Variants in TTC21B observed in about 807,000 individuals in gnomAD.
The protein encoded by TTC21B is tetratricopeptide repeat protein 21B.
In TTC21B, 127 loss-of-function variants were observed where a neutral mutation model predicts 175.1. That is an observed-to-expected ratio of 0.73 (90% CI 0.63 to 0.84). The LOEUF (loss-of-function observed/expected upper bound fraction) is 0.84, where lower values mean the gene tolerates loss of function less well. TTC21B is among the 40% of genes least tolerant of loss of function. The pLI, the probability that TTC21B is intolerant of heterozygous loss-of-function variation, is 0.00. For synonymous variants in TTC21B, 524 were observed against 524.5 expected (o/e 1.00, Z 0.01); for missense variants, 1,561 against 1,558.3 (o/e 1.00, Z -0.03).
At chr2:165,898,173 GAA>G (rs897596782) in intron 22 of TTC21B, among the ~76,000 whole-genome samples, 1 of 151,800 alleles carries the variant, frequency 6.6e-6, no homozygotes, top group Non-Finnish European at 1.5e-5. Context: ...ATGCTGATTA[GAA>G]AAAAAATGAT....
chr2:165,949,364 T>C, intron 3 of TTC21B, 30 bp downstream of exon 3: 1 of 1,487,708 alleles, frequency 6.7e-7, no homozygotes, highest in Non-Finnish European at 9.4e-7. Context: ...TAGGAAAAAA[T>C]GTCCTAAGCA....
At chr2:165,886,060 C>T (rs190448666) in intron 25 of TTC21B, among the ~76,000 whole-genome samples, 3 of 152,140 alleles carry the variant, frequency 2.0e-5, no homozygotes, top group Admixed American at 1.3e-4. Context: ...TTTTTTGGTC[C>T]CTCTGAATGA....
chr2:165,889,316 A>G (rs974663214), intron 24 of TTC21B, among the ~76,000 whole-genome samples: 4 of 152,058 alleles, frequency 2.6e-5, no homozygotes, highest in African/African-American at 9.7e-5. Context: ...TCTTTTCACC[A>G]TGCTGATTGC....
intron 19 of TTC21B, among the ~76,000 whole-genome samples, chr2:165,906,032 A>G (rs1240716088): frequency 1.3e-5 from 2 of 152,124 alleles, no homozygotes; most frequent in Non-Finnish European, 1.5e-5. Flanking sequence ...CAAAAAGATA[A>G]CAAGCAAATC....
rs192525886 is a variant in TTC21B at position 165,949,378 on chromosome 2, C to T, written c.262+16G>A. On this transcript the variant is annotated intron_variant, in intron 3 of 28. Coordinates refer to ENST00000243344, the MANE Select transcript of TTC21B (RefSeq NM_024753.5). Reference sequence around the variant, plus strand: ...ATAGGAAAAAATGTCCTAAGCATTGCATTTAAATATCATACCTGGATTAGG... The same window carrying T: ...ATAGGAAAAAATGTCCTAAGCATTGTATTTAAATATCATACCTGGATTAGG... The T allele has an allele frequency of 2.4e-3, 3,762 of 1,561,820 alleles. 3 individuals are homozygous for T. Among genetic ancestry groups the T allele is most frequent in the Non-Finnish European group, 3.0e-3 (3,379 of 1,132,578 alleles).
chr2:165,894,159 T>C (rs955576847), intron 22 of TTC21B, among the ~76,000 whole-genome samples: 1 of 152,070 alleles, frequency 6.6e-6, no homozygotes, highest in Non-Finnish European at 1.5e-5. Context: ...ACAGACTGGA[T>C]GTGTTAGCTA....
intron 11 of TTC21B, among the ~76,000 whole-genome samples, chr2:165,925,187 T>C (rs1322104854): frequency 6.6e-6 from 1 of 152,182 alleles, no homozygotes; most frequent in African/African-American, 2.4e-5. Flanking sequence ...ACACTCACTA[T>C]GCTAAACTAA....
intron 25 of TTC21B, among the ~76,000 whole-genome samples, chr2:165,887,168 T>C (rs1046538191): frequency 1.3e-5 from 2 of 152,178 alleles, no homozygotes; most frequent in African/African-American, 4.8e-5. Flanking sequence ...TGTCCAGGGC[T>C]TTGGGTAGTT....
Position 165,931,740 on chromosome 2 carries a change from C to T in TTC21B, c.894+18G>A. 2 of 1,594,888 alleles carry T rather than the reference C, an allele frequency of 1.3e-6. No individual in the cohort carries two copies. The highest frequency in any genetic ancestry group is 1.7e-6 in the Non-Finnish European group (2 of 1,162,744). On this transcript the variant is annotated intron_variant, in intron 8 of 28. Transcript: ENST00000243344. ...TACTATAGATAACAGAGCTCTGGTA[C>T]ATGGTAGGCACTCTCACAGTTCTGC... is the stretch of plus-strand genomic sequence containing the variant.
intron 6 of TTC21B, among the ~76,000 whole-genome samples, chr2:165,935,629 G>GGT (rs1262530398): frequency 1.3e-5 from 2 of 152,058 alleles, no homozygotes; most frequent in East Asian, 3.9e-4. Flanking sequence ...TAGGATATGA[G>GGT]GTTAATATAT....
chr2:165,932,900 C>T (rs1686964624), intron 7 of TTC21B, 73 bp downstream of exon 7: 2 of 1,293,806 alleles, frequency 1.5e-6, no homozygotes, highest in South Asian at 1.2e-5. Flanking sequence ...TATGCACATG[C>T]ACACATGGGT....
chr2:165,899,029 T>C (rs1405927520), intron 21 of TTC21B, among the ~76,000 whole-genome samples: 8 of 152,202 alleles, frequency 5.3e-5, no homozygotes, highest in Admixed American at 5.2e-4. Context: ...TTTCTAGCAA[T>C]TGTTTTAAAA....
Position 165,917,334 on chromosome 2 carries a change from TTC to T in TTC21B, c.1820_1821del (p.Arg607LysfsTer3). ...CGATGGCTTGTATCAACTTCAGTTTTTCTGTCTTTTGATTTTGTGGAAGCTCC... is the reference window on the plus strand; with the variant it reads ...CGATGGCTTGTATCAACTTCAGTTTTTGTCTTTTGATTTTGTGGAAGCTCC... ...RIGASTKSKD[R>X]KTEVDTSHRL... On this transcript the variant is annotated frameshift_variant, in exon 14 of 29. Transcript: ENST00000243344. LOFTEE classifies it high-confidence loss of function. 1 of 1,614,240 alleles carries T rather than the reference TTC, an allele frequency of 6.2e-7. No homozygotes were observed. The highest frequency in any genetic ancestry group is 8.5e-7 in the Non-Finnish European group (1 of 1,180,034).
chr2:165,895,096 T>C (rs1005210042), intron 22 of TTC21B, among the ~76,000 whole-genome samples: 4 of 151,972 alleles, frequency 2.6e-5, no homozygotes, highest in Non-Finnish European at 4.4e-5. Flanking sequence ...TTTTTTATTT[T>C]CCCCCAAGAG....
At position 165,874,690 on chromosome 2, in the gene TTC21B, A is replaced by T; in HGVS notation, c.*65T>A. The T allele has an allele frequency of 6.8e-7, 1 of 1,463,358 alleles. No homozygotes were observed. The highest frequency in any genetic ancestry group is 1.4e-5 in the African/African-American group (1 of 72,066). 90.6% of individuals were successfully genotyped at this position (1,463,358 alleles called of 1,614,324 possible). A position where few individuals can be genotyped will look rare whatever the true frequency, so the allele number is the denominator to read the frequency against. On this transcript the variant is annotated 3_prime_UTR_variant, in exon 29 of 29. Coordinates refer to ENST00000243344, the MANE Select transcript of TTC21B (RefSeq NM_024753.5). The stretch of plus-strand genomic sequence containing the variant: ...CACTGAGCTCAAACCTGTTTTGAAC[A>T]GGAAGAACTGAAAGTTAGATTTCTT...
rs754497511 is a variant in TTC21B, at chr2:165,945,706, G to A, written c.263-16C>T. On this transcript the variant is annotated splice_polypyrimidine_tract_variant and intron_variant, in intron 3 of 28. Coordinates refer to ENST00000243344, the MANE Select transcript of TTC21B (RefSeq NM_024753.5). ...GCTTCTCTATCTGGTAGGGGAAAAT[G>A]ATATTAAATAAAAATTAAATTCTGG... 7.5e-6 allele frequency: 12 copies of A among 1,609,190 alleles called. No homozygotes were observed. Among genetic ancestry groups the A allele is most frequent in the African/African-American group, 1.3e-5 (1 of 74,690 alleles).
At chr2:165,877,158 T>C (rs1320066922) in intron 27 of TTC21B, among the ~76,000 whole-genome samples, 13 of 152,182 alleles carry the variant, frequency 8.5e-5, no homozygotes, top group Non-Finnish European at 1.3e-4. Flanking sequence ...TATAATGCAA[T>C]GTAAAATAAT....
chr2:165,892,801 A>G (rs1685240718), intron 22 of TTC21B, among the ~76,000 whole-genome samples: 1 of 152,234 alleles, frequency 6.6e-6, no homozygotes, highest in Non-Finnish European at 1.5e-5. Flanking sequence ...GTGATGACTT[A>G]CACAACAATG....
chr2:165,877,083 C>T (rs763971602), intron 27 of TTC21B, among the ~76,000 whole-genome samples: 5 of 152,068 alleles, frequency 3.3e-5, no homozygotes, highest in Non-Finnish European at 7.4e-5. Context: ...TTGTAACATG[C>T]TATAAAAATG....
Sources: allele counts gnomAD v4.1 joint callset (sites outside exome capture counted in the v4.1 genomes callset), GRCh38; gene constraint gnomAD v4.1.1; transcripts MANE v1.5; gene names NCBI Gene and HGNC (gene_info 2026-07-23, HGNC 2026-07-21).